The following PXDNL variants were observed in gnomAD, a reference collection of about 807,000 sequenced individuals.
PXDNL encodes the protein probable oxidoreductase PXDNL.
A neutral mutation model predicts 150.8 loss-of-function variants in PXDNL; 145 were observed. That is an observed-to-expected ratio of 0.96 (90% CI 0.84 to 1.10). PXDNL has a LOEUF of 1.10. Ranked by LOEUF, PXDNL falls within the 50% of genes least tolerant of loss-of-function variation. The pLI is 0.00. For missense variants in PXDNL, 2,087 were observed against 1,873.9 expected, an observed-to-expected ratio of 1.11 and a Z score of -2.10; for synonymous variants, 757 against 725.7, an observed-to-expected ratio of 1.04 and a Z score of -0.69.
intron 1 of PXDNL, among the ~76,000 whole-genome samples, chr8:51,702,605 A>T (rs1816279174): frequency 6.6e-6 from 1 of 152,112 alleles, no homozygotes. Context: ...TAACTGTGGG[A>T]CATTGACAAG....
chr8:51,760,425 C>T (rs1337054462), intron 1 of PXDNL, among the ~76,000 whole-genome samples: 1 of 151,662 alleles, frequency 6.6e-6, no homozygotes, highest in African/African-American at 2.4e-5. Flanking sequence ...ATATTCAGAG[C>T]ACAGAAATAA....
At chr8:51,606,233 T>A (rs1214823736) in intron 2 of PXDNL, among the ~76,000 whole-genome samples, 1 of 152,168 alleles carries the variant, frequency 6.6e-6, no homozygotes, top group Non-Finnish European at 1.5e-5. Flanking sequence ...GTTTTAGACA[T>A]AAAGAGATCT....
At chr8:51,633,963 T>G (rs926038002) in intron 2 of PXDNL, among the ~76,000 whole-genome samples, 2 of 152,214 alleles carry the variant, frequency 1.3e-5, no homozygotes, top group African/African-American at 4.8e-5. Context: ...TCTTTTGTTA[T>G]GGAGGAGCTC....
In PXDNL at chr8:51,807,796, G is replaced by A. The variant is rs181138946; in HGVS notation, c.164+1385C>T. 1.1e-3 allele frequency among the ~76,000 whole-genome samples: 174 copies of A among 152,284 alleles called. 1 individual carries two copies. The highest frequency in any genetic ancestry group is 0.01 in the Middle Eastern group (3 of 294). The stretch of plus-strand genomic sequence containing the variant: ...ACACCTAGGAAACAAAATTTAGGTC[G>A]AGTTGTACCTCATGTAGCTCCAAGA... On this transcript the variant is annotated intron_variant, in intron 1 of 22. Transcript: ENST00000356297.
At chr8:51,400,030 A>G (rs892910510) in intron 17 of PXDNL, among the ~76,000 whole-genome samples, 12 of 152,378 alleles carry the variant, frequency 7.9e-5, no homozygotes, top group African/African-American at 2.9e-4. Flanking sequence ...AACAATTTTC[A>G]AAGGCAGGAA....
chr8:51,402,417 GC>G (rs377147807), intron 17 of PXDNL, among the ~76,000 whole-genome samples: 2 of 152,220 alleles, frequency 1.3e-5, no homozygotes, highest in African/African-American at 4.8e-5. Flanking sequence ...TACTCGGGAG[GC>G]TGAGGCAGGA....
intron 1 of PXDNL, among the ~76,000 whole-genome samples, chr8:51,743,245 T>G (rs2036926027): frequency 6.6e-6 from 1 of 152,130 alleles, no homozygotes; most frequent in African/African-American, 2.4e-5. Context: ...TGAGACAGGG[T>G]CTCACTCTGT....
intron 3 of PXDNL, among the ~76,000 whole-genome samples, chr8:51,580,240 T>A (rs939915746): frequency 6.6e-6 from 1 of 152,070 alleles, no homozygotes; most frequent in African/African-American, 2.4e-5. Flanking sequence ...CTTGACTGTA[T>A]CAATGCCAGT....
At chr8:51,547,611 C>G (rs1812391310) in intron 4 of PXDNL, among the ~76,000 whole-genome samples, 1 of 152,122 alleles carries the variant, frequency 6.6e-6, no homozygotes, top group African/African-American at 2.4e-5. Context: ...CGAAGTCTGG[C>G]TCTCAGAAAA....
At chr8:51,363,312 A>T (rs898410964) in intron 19 of PXDNL, among the ~76,000 whole-genome samples, 5 of 151,768 alleles carry the variant, frequency 3.3e-5, no homozygotes, top group Non-Finnish European at 7.4e-5. Context: ...AAGGTACTGT[A>T]ACAGGACAAG....
At chr8:51,406,048 C>T (rs745994341) in intron 17 of PXDNL, among the ~76,000 whole-genome samples, 46 of 152,326 alleles carry the variant, frequency 3.0e-4, no homozygotes, top group Non-Finnish European at 5.3e-4. Context: ...TTCACATCAG[C>T]CACTGTAAGG....
Position 51,423,612 on chromosome 8 carries a change from A to T in PXDNL, c.1758T>A (p.Phe586Leu). 1.9e-6 allele frequency: 3 copies of T among 1,613,836 alleles called. No individual in the cohort carries two copies. Among genetic ancestry groups the T allele is most frequent in the Non-Finnish European group, 2.5e-6 (3 of 1,179,800 alleles). Reference protein sequence around the residue: ...GRYECVARNSFGLAVTNMFLT... With the variant: ...GRYECVARNSLGLAVTNMFLT... ...GAAACATGTTGGTCACAGCAAGGCCAAAAGAATTCCGAGCCACACATTCAT... is the reference window on the plus strand; with the variant it reads ...GAAACATGTTGGTCACAGCAAGGCCTAAAGAATTCCGAGCCACACATTCAT... Residue 586 changes from phenylalanine (F) to leucine (L), a missense_variant, in exon 14 of 23, where the codon TTT becomes TTA. Phe to Leu is a conservative substitution (Grantham distance 22). Transcript: ENST00000356297.
At position 51,339,730 on chromosome 8, in the gene PXDNL, C is replaced by G; in HGVS notation, c.4040G>C (p.Gly1347Ala). 1 of 1,611,648 alleles carries G rather than the reference C, an allele frequency of 6.2e-7. No individual in the cohort carries two copies. Among genetic ancestry groups the G allele is most frequent in the African/African-American group, 1.3e-5 (1 of 74,926 alleles). ...RSRQQDKIYV[G>A]EDARNVTVLA... is the part of the protein sequence containing the mutation. ...AACTGTCACATTTCTAGCATCTTCACCCACATATATTTTATCTTGTTGCCT... is the reference window on the plus strand; with the variant it reads ...AACTGTCACATTTCTAGCATCTTCAGCCACATATATTTTATCTTGTTGCCT... Residue 1347 changes from glycine to alanine, a missense_variant, in exon 21 of 23, where the codon GGT (glycine) becomes GCT (alanine). By Grantham distance (60) the Gly-to-Ala change is moderately conservative (BLOSUM62 0). Transcript: ENST00000356297.
chr8:51,486,773 TATATATATATATATATA>T (rs1810754852), intron 5 of PXDNL, among the ~76,000 whole-genome samples: 5 of 9,474 alleles, frequency 5.3e-4, no homozygotes, highest in South Asian at 4.5e-3. Flanking sequence ...TATATATATA[TATATATATATATATATA>T]TATATTTTTT....
At chr8:51,371,760 T>A in intron 19 of PXDNL, 113 bp downstream of exon 19, 1 of 971,584 alleles carries the variant, frequency 1.0e-6, no homozygotes, top group Non-Finnish European at 1.5e-6. Flanking sequence ...AGTTCTGTGT[T>A]GTTGGCTTTT....
In PXDNL at chr8:51,372,073, T is replaced by C; in HGVS notation, c.3701A>G (p.Tyr1234Cys). The C allele has an allele frequency of 6.3e-7, 1 of 1,577,504 alleles. No individual in the cohort carries two copies. Among genetic ancestry groups the C allele is most frequent in the Non-Finnish European group, 8.6e-7 (1 of 1,161,770 alleles). ...QRLRDGDRFW[Y>C]ENPGVFTPAQ... ...CGGGGTAAATACTCCAGGGTTTTCA[T>C]ACCAGAACCTGGTAGTCAACCAAAA... is the stretch of plus-strand genomic sequence containing the variant. Residue 1234 changes from tyrosine to cysteine, a missense_variant, in exon 19 of 23, where the codon TAT becomes TGT. Physicochemically the swap from Tyr to Cys is radical, Grantham distance 194. Transcript: ENST00000356297.
At chr8:51,501,735 C>T (rs1025247195) in intron 4 of PXDNL, among the ~76,000 whole-genome samples, 1 of 152,234 alleles carries the variant, frequency 6.6e-6, no homozygotes, top group African/African-American at 2.4e-5. Context: ...CACACACTCA[C>T]ACACTGTCCC....
At chr8:51,497,013 C>T (rs1305110704) in intron 5 of PXDNL, among the ~76,000 whole-genome samples, 3 of 152,208 alleles carry the variant, frequency 2.0e-5, no homozygotes, top group South Asian at 2.1e-4. Flanking sequence ...CTGGAGGCAT[C>T]ACCCTACCTG....
At chr8:51,464,331 T>G (rs536054984) in intron 8 of PXDNL, among the ~76,000 whole-genome samples, 1 of 152,288 alleles carries the variant, frequency 6.6e-6, no homozygotes, top group South Asian at 2.1e-4. Context: ...ACCATTACAA[T>G]TTAGCCTGGG....
Sources: gnomAD v4.1 joint callset for allele counts (sites outside exome capture counted in the v4.1 genomes callset) on GRCh38, gnomAD v4.1.1 for gene constraint, MANE v1.5 for transcripts, NCBI Gene and HGNC (gene_info 2026-07-23, HGNC 2026-07-21) for gene names.